Variants in ZC3H12B observed in about 807,000 individuals in gnomAD.
The protein encoded by ZC3H12B is probable ribonuclease ZC3H12B.
In ZC3H12B, 7 loss-of-function variants were observed where a neutral mutation model predicts 43.9. The observed-to-expected ratio is 0.16, with a 90% confidence interval of 0.09 to 0.30. ZC3H12B has a LOEUF of 0.30. Among genes scored for constraint, ZC3H12B ranks in the 10% least tolerant of loss-of-function variants. The pLI, the probability that ZC3H12B is intolerant of heterozygous loss-of-function variation, is 1.00. For missense variants in ZC3H12B, 475 were observed against 670.2 expected (o/e 0.71, Z 3.22); for synonymous variants, 222 against 241.7 (o/e 0.92, Z 0.76).
rs756267043 is a variant in ZC3H12B at position 65,488,786 on chromosome X, C to T, written c.-16C>T. On this transcript the variant is annotated 5_prime_UTR_variant, in exon 1 of 5. The change creates a new upstream start codon in the 5' untranslated region. Transcript: ENST00000338957. ...GAAAAAGAACTGATTAGACCTCAGA[C>T]GACCCACTAAACGGGATGACGGCCA... The T allele has an allele frequency of 3.6e-5, 41 of 1,153,850 alleles. No homozygotes were observed. Among genetic ancestry groups the T allele is most frequent in the Non-Finnish European group, 4.4e-5 (38 of 869,738 alleles).
chrX:65,397,249 G>A lies in ZC3H12B; in HGVS notation n.296-1344G>A, dbSNP rs962614933. On this transcript the variant is annotated intron_variant and non_coding_transcript_variant, in intron 2 of 5. Transcript: ENST00000617377. ...ACTTGATCCTGTCATCATGATGCTA[G>A]CTGATTATTTTGCACATTAGTTGAT... 1.2e-4 allele frequency among the ~76,000 whole-genome samples: 13 copies of A among 111,626 alleles called. No individual in the cohort carries two copies. In the Admixed American group the frequency reaches 1.2e-3, roughly 11 times the overall value.
chrX:65,490,704 G>T (rs1457346359), intron 1 of ZC3H12B, among the ~76,000 whole-genome samples: 1 of 111,057 alleles, frequency 9.0e-6, no homozygotes, highest in Admixed American at 9.6e-5. Context: ...CAAATGAATT[G>T]TAATCCAGCC....
chrX:65,217,040 A>G, the ZC3H12B span, among the ~76,000 whole-genome samples: 1 of 110,868 alleles, frequency 9.0e-6, no homozygotes, highest in Admixed American at 9.6e-5. Flanking sequence ...AGCAGTACCA[A>G]CTGTTGAGGC....
chrX:65,456,329 C>G (rs1184593244), intron 3 of ZC3H12B, among the ~76,000 whole-genome samples: 1 of 108,751 alleles, frequency 9.2e-6, no homozygotes, highest in African/African-American at 3.4e-5. Context: ...GGTTGCAATC[C>G]TAGTCTGATA....
chrX:65,113,415 C>T, the ZC3H12B span, among the ~76,000 whole-genome samples: 1 of 110,859 alleles, frequency 9.0e-6, no homozygotes, highest in East Asian at 2.9e-4. Flanking sequence ...AAAATGCTAT[C>T]AGGCAAGGTG....
chrX:65,466,019 A>G (rs918617434), intron 3 of ZC3H12B, among the ~76,000 whole-genome samples: 2 of 110,432 alleles, frequency 1.8e-5, no homozygotes, highest in African/African-American at 6.6e-5. Flanking sequence ...GCACACTTGA[A>G]ATCTACCCTC....
chrX:65,059,717 C>T, the ZC3H12B span, among the ~76,000 whole-genome samples: 1 of 111,629 alleles, frequency 9.0e-6, no homozygotes, highest in African/African-American at 3.3e-5. Context: ...GGTTCTTTTT[C>T]ATTCCATATA....
At chrX:65,413,963 A>G (rs895656939) in intron 3 of ZC3H12B, among the ~76,000 whole-genome samples, 2 of 112,052 alleles carry the variant, frequency 1.8e-5, no homozygotes, top group African/African-American at 3.2e-5. Flanking sequence ...TTCTTTAATT[A>G]CCAGTTTTTA....
chrX:65,206,874 A>G, the ZC3H12B span, among the ~76,000 whole-genome samples: 1 of 111,376 alleles, frequency 9.0e-6, no homozygotes, highest in South Asian at 3.8e-4. Context: ...GCAAAAGAAG[A>G]TATAGCAGTG....
At chrX:65,232,063 G>C in the ZC3H12B span, among the ~76,000 whole-genome samples, 1 of 100,081 alleles carries the variant, frequency 1.0e-5, no homozygotes, top group Non-Finnish European at 1.9e-5. Flanking sequence ...GTGAAACCCC[G>C]TCTCTACTAA....
chrX:65,061,211 C>T, the ZC3H12B span, among the ~76,000 whole-genome samples: 3 of 110,572 alleles, frequency 2.7e-5, no homozygotes, highest in Non-Finnish European at 5.7e-5. Flanking sequence ...AGGTTTGTTA[C>T]GTAGGTATAC....
the ZC3H12B span, among the ~76,000 whole-genome samples, chrX:65,122,644 C>A: frequency 9.0e-6 from 1 of 111,081 alleles, no homozygotes; most frequent in Non-Finnish European, 1.9e-5. Context: ...AAACCCATCT[C>A]ACGTGCAGAG....
rs58150008 is a variant in ZC3H12B, at chrX:65,466,915, AAT to A, written n.408-21682_408-21681del. On this transcript the variant is annotated intron_variant and non_coding_transcript_variant, in intron 3 of 5. Transcript: ENST00000617377. ...ATATGTAACTATATATATAAAACCA[AAT>A]ATATATATATATATATATATATATA... Among the ~76,000 whole-genome samples, 211 of 23,741 alleles carry A rather than the reference AAT, an allele frequency of 8.9e-3. 1 individual carries two copies. The highest frequency in any genetic ancestry group is 0.083 in the Middle Eastern group (1 of 12). 20.6% of individuals were successfully genotyped at this position (23,741 alleles called of 115,157 possible).
At position 65,408,389 on chromosome X, in the gene ZC3H12B, C is replaced by T. The variant is rs1407593683; in HGVS notation, n.407+9685C>T. On this transcript the variant is annotated intron_variant and non_coding_transcript_variant, in intron 3 of 5. Coordinates refer to the ZC3H12B transcript ENST00000617377. The stretch of plus-strand genomic sequence containing the variant: ...ATTTCTGTCTCAGGAACATCAACAA[C>T]AGGTGGCCCAGGCTGTCGAACGTGC... 7.5e-6 allele frequency: 9 copies of T among 1,200,582 alleles called. 1 individual carries two copies. Among genetic ancestry groups the T allele is most frequent in the Admixed American group, 6.5e-5 (3 of 45,919 alleles).
intron 2 of ZC3H12B, among the ~76,000 whole-genome samples, chrX:65,381,655 G>T (rs2066441800): frequency 8.9e-6 from 1 of 111,960 alleles, no homozygotes; most frequent in African/African-American, 3.2e-5. Flanking sequence ...AAAAATCAAT[G>T]AATCCAGGAG....
the ZC3H12B span, chrX:65,185,098 A>G: frequency 2.7e-5 from 3 of 111,529 alleles, no homozygotes; most frequent in Non-Finnish European, 5.7e-5. Context: ...TAGTTTCTCA[A>G]CAGCTGTAAA....
At chrX:65,197,998 C>T in the ZC3H12B span, among the ~76,000 whole-genome samples, 2 of 112,355 alleles carry the variant, frequency 1.8e-5, no homozygotes, top group Non-Finnish European at 3.8e-5. Context: ...CGTACACATC[C>T]GTTTTTATTA....
the ZC3H12B span, among the ~76,000 whole-genome samples, chrX:65,224,863 G>A: frequency 5.3e-5 from 6 of 112,201 alleles, no homozygotes; most frequent in African/African-American, 1.6e-4. Flanking sequence ...GGTAAACAAA[G>A]CAGCCGGGAA....
At chrX:65,356,846 A>G in the ZC3H12B span, 3 of 312,117 alleles carry the variant, frequency 9.6e-6, no homozygotes, top group Admixed American at 3.7e-5. Context: ...TGAAGGTCAC[A>G]TTCCAGGAGG....
Sources: gnomAD v4.1 joint callset for allele counts (sites outside exome capture counted in the v4.1 genomes callset) on GRCh38, gnomAD v4.1.1 for gene constraint, MANE v1.5 for transcripts, NCBI Gene and HGNC (gene_info 2026-07-23, HGNC 2026-07-21) for gene names.